The following SDHAF3 variants were observed in gnomAD, a reference collection of about 807,000 sequenced individuals.
SDHAF3 encodes the protein succinate dehydrogenase complex assembly factor 3.
In SDHAF3, 18 loss-of-function variants were observed where a neutral mutation model predicts 11.5. That is an observed-to-expected ratio of 1.56 (90% CI 1.08 to 2.32). The LOEUF (loss-of-function observed/expected upper bound fraction) is 2.32. Among genes scored for constraint, SDHAF3 ranks in the 30% most tolerant of loss-of-function variants. The pLI is 0.00. For synonymous variants in SDHAF3, 72 were observed against 59.3 expected, an observed-to-expected ratio of 1.21 and a Z score of -0.99; for missense variants, 200 against 154.4, an observed-to-expected ratio of 1.30 and a Z score of -1.57.
intron 1 of SDHAF3, among the ~76,000 whole-genome samples, chr7:97,165,502 ACTTT>A (rs1392090539): frequency 1.3e-5 from 2 of 151,842 alleles, no homozygotes; most frequent in Non-Finnish European, 2.9e-5. Context: ...TTTTAATAAT[ACTTT>A]TTTTGTGATT....
At chr7:97,157,512 G>C (rs1311042142) in intron 1 of SDHAF3, among the ~76,000 whole-genome samples, 2 of 152,202 alleles carry the variant, frequency 1.3e-5, no homozygotes, top group African/African-American at 2.4e-5. Context: ...CTTTTACACT[G>C]TTGGTGGGAC....
chr7:97,140,681 G>T (rs1162420652), intron 1 of SDHAF3, among the ~76,000 whole-genome samples: 1 of 151,982 alleles, frequency 6.6e-6, no homozygotes, highest in Non-Finnish European at 1.5e-5. Context: ...TTCCCCAATC[G>T]ATACCCTGTG....
intron 1 of SDHAF3, among the ~76,000 whole-genome samples, chr7:97,160,617 GA>G: frequency 6.6e-6 from 1 of 151,802 alleles, no homozygotes; most frequent in Non-Finnish European, 1.5e-5. Flanking sequence ...ACCCCCAAAA[GA>G]AAAAAAAGAA....
intron 1 of SDHAF3, among the ~76,000 whole-genome samples, chr7:97,137,868 CTT>C (rs11381462): frequency 8.7e-5 from 6 of 69,108 alleles, no homozygotes; most frequent in Admixed American, 4.1e-4. Flanking sequence ...ATTCCATTCG[CTT>C]TTTTTTTTTT....
At chr7:97,173,630 G>A (rs1199572290) in intron 1 of SDHAF3, among the ~76,000 whole-genome samples, 1 of 147,974 alleles carries the variant, frequency 6.8e-6, no homozygotes, top group Non-Finnish European at 1.5e-5. Context: ...TCGGCTTACT[G>A]CAAGCTCCGC....
chr7:97,118,031 G>A lies in SDHAF3; in HGVS notation c.174+134G>A, dbSNP rs534453360. On this transcript the variant is annotated intron_variant, in intron 1 of 1. Coordinates refer to ENST00000432641, the MANE Select transcript of SDHAF3 (RefSeq NM_020186.3). ...TTTGAAATAGCGTAATGCTGTTCAG[G>A]TAACACTTTCCAAAGTTTCTCCCAC... is the stretch of plus-strand genomic sequence containing the variant. 1.5e-4 allele frequency: 167 copies of A among 1,104,356 alleles called. 1 individual carries two copies. The South Asian group carries it at 2.6e-3, about 17-fold the overall frequency. 68.4% of individuals were successfully genotyped at this position (1,104,356 alleles called of 1,614,324 possible).
intron 1 of SDHAF3, among the ~76,000 whole-genome samples, chr7:97,143,932 A>G (rs1789095556): frequency 6.6e-6 from 1 of 152,148 alleles, no homozygotes; most frequent in South Asian, 2.1e-4. Flanking sequence ...TAGTGGCTGT[A>G]CTGGTTTACA....
rs142120006 is a variant in SDHAF3 at position 97,128,270 on chromosome 7, G to A, written c.174+10373G>A. ...ACAGTTTATCCTTGCAACATAGAAT[G>A]TTTTCTACTTTTTCATGTCTGAAAC... On this transcript the variant is annotated intron_variant, in intron 1 of 1. Transcript: ENST00000432641. Among the ~76,000 whole-genome samples the A allele has an allele frequency of 2.4e-3, 365 of 152,192 alleles. 2 individuals are homozygous for A. Among genetic ancestry groups the A allele is most frequent in the African/African-American group, 8.5e-3 (355 of 41,532 alleles).
intron 1 of SDHAF3, among the ~76,000 whole-genome samples, chr7:97,129,715 G>A (rs1791636970): frequency 6.6e-6 from 1 of 152,178 alleles, no homozygotes; most frequent in Non-Finnish European, 1.5e-5. Flanking sequence ...CCCCTGCCCA[G>A]GCCTCACTTA....
chr7:97,128,581 G>C (rs146377948), intron 1 of SDHAF3, among the ~76,000 whole-genome samples: 210 of 152,150 alleles, frequency 1.4e-3, no homozygotes, highest in African/African-American at 4.9e-3. Flanking sequence ...GTGTGTAGAG[G>C]TATGTGTATA....
chr7:97,167,905 A>G (rs1181909365), intron 1 of SDHAF3, among the ~76,000 whole-genome samples: 1 of 152,200 alleles, frequency 6.6e-6, no homozygotes, highest in Non-Finnish European at 1.5e-5. Context: ...TCCATCCACA[A>G]GTGTTTACAC....
intron 1 of SDHAF3, among the ~76,000 whole-genome samples, chr7:97,146,654 A>G (rs1197421194): frequency 6.6e-6 from 1 of 152,188 alleles, no homozygotes; most frequent in African/African-American, 2.4e-5. Context: ...TGATTAATAG[A>G]GAAAACTATT....
intron 1 of SDHAF3, among the ~76,000 whole-genome samples, chr7:97,150,762 A>T (rs1789207209): frequency 6.6e-6 from 1 of 151,302 alleles, no homozygotes; most frequent in South Asian, 2.1e-4. Flanking sequence ...ACGGGATTTC[A>T]CTTGTTAGCC....
intron 1 of SDHAF3, among the ~76,000 whole-genome samples, chr7:97,176,778 A>G (rs1789686093): frequency 6.6e-6 from 1 of 152,194 alleles, no homozygotes; most frequent in South Asian, 2.1e-4. Flanking sequence ...ATTATTATAA[A>G]TTATACCCTA....
chr7:97,135,682 A>ATATT (rs1491358723), intron 1 of SDHAF3: 2 of 61,830 alleles, frequency 3.2e-5, no homozygotes, highest in African/African-American at 7.3e-5. Flanking sequence ...ATATATATAT[A>ATATT]TTTTTTTTTT....
At chr7:97,118,242 C>G (rs1791439195) in intron 1 of SDHAF3, among the ~76,000 whole-genome samples, 1 of 152,156 alleles carries the variant, frequency 6.6e-6, no homozygotes, top group Admixed American at 6.5e-5. Context: ...ACCTAGTAAG[C>G]GCCCATTAAT....
At chr7:97,162,598 C>T (rs1789430504) in intron 1 of SDHAF3, among the ~76,000 whole-genome samples, 1 of 152,118 alleles carries the variant, frequency 6.6e-6, no homozygotes, top group African/African-American at 2.4e-5. Context: ...TGTCTTTGTT[C>T]TCATTGGTTT....
chr7:97,151,890 A>G (rs1789230162), intron 1 of SDHAF3, among the ~76,000 whole-genome samples: 1 of 151,852 alleles, frequency 6.6e-6, no homozygotes, highest in African/African-American at 2.4e-5. Flanking sequence ...GCTTGCATCC[A>G]CTGGTTCCCT....
At chr7:97,146,459 T>C (rs1789136542) in intron 1 of SDHAF3, among the ~76,000 whole-genome samples, 1 of 152,180 alleles carries the variant, frequency 6.6e-6, no homozygotes, top group Non-Finnish European at 1.5e-5. Context: ...CAAAACACTT[T>C]TTATTGTGAT....
Sources: gnomAD v4.1 joint callset for allele counts (sites outside exome capture counted in the v4.1 genomes callset) on GRCh38, gnomAD v4.1.1 for gene constraint, MANE v1.5 for transcripts, NCBI Gene and HGNC (gene_info 2026-07-23, HGNC 2026-07-21) for gene names.